The following PTPRD variants were observed in gnomAD, a reference collection of about 807,000 sequenced individuals.
PTPRD encodes protein tyrosine phosphatase receptor type D, also known as receptor-type tyrosine-protein phosphatase delta.
A neutral mutation model predicts 214.5 loss-of-function variants in PTPRD; 34 were observed. The observed-to-expected ratio is 0.16, with a 90% CI of 0.12 to 0.21. PTPRD has a LOEUF of 0.21. PTPRD is among the 10% of genes least tolerant of loss of function. The probability of loss-of-function intolerance (pLI) is 1.00; values close to 1 mark genes in which losing one functional copy is unlikely to be tolerated. For synonymous variants in PTPRD, 1,128 were observed against 845.7 expected (o/e 1.33, Z -5.79); for missense variants, 2,545 against 2,398.7 (o/e 1.06, Z -1.27).
intron 3 of PTPRD, among the ~76,000 whole-genome samples, chr9:10,128,404 G>C (rs1185458814): frequency 6.6e-6 from 1 of 152,098 alleles, no homozygotes; most frequent in Non-Finnish European, 1.5e-5. Context: ...CACCATTGAA[G>C]ATCAAGGCAG....
chr9:9,173,619 C>A (rs1359103836), intron 10 of PTPRD, among the ~76,000 whole-genome samples: 2 of 152,078 alleles, frequency 1.3e-5, no homozygotes, highest in African/African-American at 4.8e-5. Flanking sequence ...GAATACTGTA[C>A]ACCATTGTAA....
chr9:9,731,567 G>A (rs57833310), intron 7 of PTPRD, among the ~76,000 whole-genome samples: 2,637 of 151,804 alleles, frequency 0.017, 81 homozygotes, highest in African/African-American at 0.059. Context: ...CCATTAACTC[G>A]TCATTTACAT....
chr9:10,216,374 G>T (rs1048324983), intron 3 of PTPRD, among the ~76,000 whole-genome samples: 5 of 151,436 alleles, frequency 3.3e-5, no homozygotes, highest in Non-Finnish European at 5.9e-5. Context: ...TACAGGTGGG[G>T]GTTCACTTTA....
At chr9:8,952,393 ATTTTT>A (rs1361763368) in intron 11 of PTPRD, among the ~76,000 whole-genome samples, 1 of 151,924 alleles carries the variant, frequency 6.6e-6, no homozygotes, top group East Asian at 1.9e-4. Flanking sequence ...GCACAGGGCA[ATTTTT>A]CTTGAATTAG....
At chr9:9,769,462 A>T (rs576906622) in intron 5 of PTPRD, among the ~76,000 whole-genome samples, 2 of 151,290 alleles carry the variant, frequency 1.3e-5, no homozygotes, top group African/African-American at 4.9e-5. Flanking sequence ...AGCAGCTGGG[A>T]CTACAGGTGC....
At chr9:10,106,729 T>G (rs2098637017) in intron 3 of PTPRD, among the ~76,000 whole-genome samples, 1 of 151,954 alleles carries the variant, frequency 6.6e-6, no homozygotes, top group African/African-American at 2.4e-5. Context: ...AAACGTGTCT[T>G]TCTCTTTCTT....
intron 9 of PTPRD, among the ~76,000 whole-genome samples, chr9:9,352,530 T>A (rs959495396): frequency 6.6e-6 from 1 of 151,858 alleles, no homozygotes; most frequent in Admixed American, 6.6e-5. Context: ...GCTTCTGGAG[T>A]TAGTCCAGAG....
intron 2 of PTPRD, among the ~76,000 whole-genome samples, chr9:10,350,979 G>T (rs1023855458): frequency 6.6e-6 from 1 of 152,156 alleles, no homozygotes; most frequent in Admixed American, 6.5e-5. Flanking sequence ...GCAGAGAAGA[G>T]ATGGGTATAA....
intron 7 of PTPRD, among the ~76,000 whole-genome samples, chr9:9,725,297 G>T (rs937731652): frequency 2.2e-5 from 3 of 138,148 alleles, no homozygotes; most frequent in African/African-American, 9.0e-5. Context: ...TTAAAAATGG[G>T]AGTTTCCCTG....
At chr9:10,348,548 C>G (rs963737436) in intron 2 of PTPRD, among the ~76,000 whole-genome samples, 37 of 152,084 alleles carry the variant, frequency 2.4e-4, no homozygotes, top group Admixed American at 2.4e-3. Flanking sequence ...TTCCCTTGGT[C>G]AGATAAAGCA....
chr9:10,595,196 C>A (rs1035906800), intron 2 of PTPRD, among the ~76,000 whole-genome samples: 2 of 151,686 alleles, frequency 1.3e-5, no homozygotes, highest in African/African-American at 4.8e-5. Flanking sequence ...CTACAGAAAT[C>A]CATAGGACTG....
chr9:10,394,445 A>G lies in PTPRD; in HGVS notation c.-599-53428T>C, dbSNP rs1587091176. On this transcript the variant is annotated intron_variant, in intron 2 of 45. Transcript: ENST00000381196. Reference sequence around the variant, plus strand: ...TAGGAACATACAAAGGACAAACACTATCACTTAGTAGCAGTATGATCTTAG... The same window carrying G: ...TAGGAACATACAAAGGACAAACACTGTCACTTAGTAGCAGTATGATCTTAG... Among the ~76,000 whole-genome samples the G allele has an allele frequency of 2.0e-5, 3 of 151,776 alleles. No individual in the cohort carries two copies. In the East Asian group the frequency reaches 5.9e-4, roughly 30 times the overall value.
At chr9:10,051,728 G>A (rs1034722184) in intron 3 of PTPRD, among the ~76,000 whole-genome samples, 2 of 151,506 alleles carry the variant, frequency 1.3e-5, no homozygotes, top group East Asian at 3.9e-4. Flanking sequence ...TGCTTCTTCT[G>A]TGCCAGGCAC....
intron 11 of PTPRD, among the ~76,000 whole-genome samples, chr9:8,757,596 G>C (rs2094100865): frequency 6.7e-6 from 1 of 148,246 alleles, no homozygotes; most frequent in African/African-American, 2.5e-5. Context: ...GTTGGAGTTA[G>C]AATTCTGCAT....
intron 2 of PTPRD, among the ~76,000 whole-genome samples, chr9:10,510,829 T>G (rs2047762543): frequency 6.6e-6 from 1 of 152,104 alleles, no homozygotes; most frequent in African/African-American, 2.4e-5. Context: ...TTGTACCTAT[T>G]AACCAACCCT....
chr9:10,082,448 G>A (rs989367409), intron 3 of PTPRD, among the ~76,000 whole-genome samples: 4 of 152,008 alleles, frequency 2.6e-5, no homozygotes, highest in African/African-American at 9.7e-5. Context: ...GGATGTGGAT[G>A]TACTGATTTA....
chr9:8,527,748 A>G (rs1410781529), intron 15 of PTPRD, among the ~76,000 whole-genome samples: 1 of 152,152 alleles, frequency 6.6e-6, no homozygotes, highest in Non-Finnish European at 1.5e-5. Flanking sequence ...TTTTAATCTA[A>G]GAGAGCAAAG....
At chr9:8,940,280 C>CATTTTTTTTTT (rs763715400) in intron 11 of PTPRD, among the ~76,000 whole-genome samples, 1 of 89,050 alleles carries the variant, frequency 1.1e-5, no homozygotes, top group African/African-American at 4.4e-5. Context: ...TCTCTCTCTC[C>CATTTTTTTTTT]TTTTTTTTTT....
chr9:9,154,043 A>T (rs757726644), intron 10 of PTPRD, among the ~76,000 whole-genome samples: 1 of 152,170 alleles, frequency 6.6e-6, no homozygotes, highest in Non-Finnish European at 1.5e-5. Flanking sequence ...GACGTGATCT[A>T]GTAACATCCA....
Sources: gnomAD v4.1 joint callset for allele counts (sites outside exome capture counted in the v4.1 genomes callset) on GRCh38, gnomAD v4.1.1 for gene constraint, MANE v1.5 for transcripts, NCBI Gene and HGNC (gene_info 2026-07-23, HGNC 2026-07-21) for gene names.